Variants in DLGAP2 observed in about 807,000 individuals in gnomAD.
DLGAP2 encodes disks large-associated protein 2.
DLGAP2 carries 26 observed loss-of-function variants against 100.3 expected under a neutral mutation model. The ratio of observed to expected loss-of-function variants is 0.26; its 90% CI spans 0.19 to 0.36. The LOEUF (loss-of-function observed/expected upper bound fraction) is 0.36. DLGAP2 is among the 10% of genes least tolerant of loss of function. The probability of loss-of-function intolerance (pLI) is 1.00; values close to 1 mark genes in which losing one functional copy is unlikely to be tolerated. For missense variants in DLGAP2, 1,858 were observed against 1,453.2 expected (o/e 1.28, Z -4.53); for synonymous variants, 886 against 630.1 (o/e 1.41, Z -6.08).
In DLGAP2 at chr8:1,079,416, T is replaced by C. The variant is rs139905950; in HGVS notation, c.73+171450T>C. Among the ~76,000 whole-genome samples, 910 of 152,350 alleles carry C rather than the reference T, an allele frequency of 6.0e-3. 12 individuals are homozygous for C. Among genetic ancestry groups the C allele is most frequent in the African/African-American group, 0.02 (817 of 41,584 alleles). On this transcript the variant is annotated intron_variant, in intron 2 of 14. Coordinates refer to ENST00000637795, the MANE Select transcript of DLGAP2 (RefSeq NM_001346810.2). ...ATTAGTGCCTTAAGTTCTTCTGCAT[T>C]ATTTTGTTTAAACTATTTTTCAAAA...
chr8:1,431,698 C>A lies in DLGAP2; in HGVS notation c.107-69668C>A, dbSNP rs563317395. On this transcript the variant is annotated intron_variant, in intron 3 of 14. Coordinates refer to ENST00000637795, the MANE Select transcript of DLGAP2 (RefSeq NM_001346810.2). ...TTTCAGTCCGACTGCGGAGTGGAGG[C>A]ACTGGCTCCCGGGCTTACTCTCCTG... Among the ~76,000 whole-genome samples the A allele has an allele frequency of 2.4e-4, 36 of 152,346 alleles. 1 individual carries two copies. In the South Asian group the frequency reaches 7.0e-3, roughly 30 times the overall value.
chr8:1,054,817 A>C (rs538791829), intron 2 of DLGAP2, among the ~76,000 whole-genome samples: 1 of 152,352 alleles, frequency 6.6e-6, no homozygotes, highest in East Asian at 1.9e-4. Flanking sequence ...ACTCTCAATC[A>C]AATTGTAAGG....
chr8:1,358,155 T>C (rs1801899150), intron 3 of DLGAP2, among the ~76,000 whole-genome samples: 1 of 152,180 alleles, frequency 6.6e-6, no homozygotes, highest in Non-Finnish European at 1.5e-5. Flanking sequence ...GTGCATCCTT[T>C]TCTGAAGTAG....
At chr8:1,261,627 C>T (rs1399162351) in intron 3 of DLGAP2, among the ~76,000 whole-genome samples, 3 of 152,196 alleles carry the variant, frequency 2.0e-5, no homozygotes, top group Admixed American at 1.3e-4. Flanking sequence ...CACTGGGCTG[C>T]GGTTCTCTGA....
At chr8:1,334,848 G>A (rs1302752673) in intron 3 of DLGAP2, among the ~76,000 whole-genome samples, 2 of 151,974 alleles carry the variant, frequency 1.3e-5, no homozygotes, top group African/African-American at 4.8e-5. Context: ...CACTAACACG[G>A]CTGTCTTGCC....
Position 909,419 on chromosome 8 carries a change from C to T in DLGAP2, c.73+1453C>T, listed in dbSNP as rs554692279. Among the ~76,000 whole-genome samples, 35 of 150,980 alleles carry T rather than the reference C, an allele frequency of 2.3e-4. No homozygotes were observed. The South Asian group carries it at 3.1e-3, about 14-fold the overall frequency. ...AAGTTAAAAGCTAACTACTGTACTGCGGACATCACAGTGGGTATTAAGTAT... is the reference window on the plus strand; with the variant it reads ...AAGTTAAAAGCTAACTACTGTACTGTGGACATCACAGTGGGTATTAAGTAT... On this transcript the variant is annotated intron_variant, in intron 2 of 14. Coordinates refer to ENST00000637795, the MANE Select transcript of DLGAP2 (RefSeq NM_001346810.2).
chr8:759,257 G>GTCAATACCCCCGACAGCCTTCCCATTA (rs1821011697), intron 1 of DLGAP2, among the ~76,000 whole-genome samples: 1 of 69,826 alleles, frequency 1.4e-5, no homozygotes, highest in Non-Finnish European at 2.9e-5. Context: ...CCTCCCTGTT[G>GTCAATACCCCCGACAGCCTTCCCATTA]TCAATACCCC....
At chr8:910,480 G>A (rs1373023529) in intron 2 of DLGAP2, 1 of 152,216 alleles carries the variant, frequency 6.6e-6, no homozygotes, top group African/African-American at 2.4e-5. Flanking sequence ...TTTGTTGGTG[G>A]AGGAGAATGC....
intron 1 of DLGAP2, among the ~76,000 whole-genome samples, chr8:749,250 C>G (rs977395893): frequency 4.6e-5 from 7 of 152,220 alleles, no homozygotes; most frequent in Non-Finnish European, 2.9e-5. Context: ...CTCGGCCTCC[C>G]AAAGTGCTGT....
chr8:1,506,194 TCA>T (rs1799906761), intron 4 of DLGAP2, among the ~76,000 whole-genome samples: 1 of 152,234 alleles, frequency 6.6e-6, no homozygotes, highest in African/African-American at 2.4e-5. Flanking sequence ...ATATCTTGTC[TCA>T]CAGGAATTCC....
At position 1,307,525 on chromosome 8, in the gene DLGAP2, C is replaced by G. The variant is rs1422033129; in HGVS notation, c.106+48642C>G. Among the ~76,000 whole-genome samples the G allele has an allele frequency of 2.0e-5, 3 of 152,232 alleles. No homozygotes were observed. The East Asian group carries it at 5.8e-4, about 29-fold the overall frequency. ...CAGAAATTTCACTTCTGGCCATACA[C>G]CCAAAAGAAGTGGAAGCAGGGCTCA... On this transcript the variant is annotated intron_variant, in intron 3 of 14. Transcript: ENST00000637795.
chr8:1,332,341 TTGTG>T (rs372152600), intron 3 of DLGAP2, among the ~76,000 whole-genome samples: 1 of 151,996 alleles, frequency 6.6e-6, no homozygotes, highest in Non-Finnish European at 1.5e-5. Flanking sequence ...TATGCATGTA[TTGTG>T]TGTGTGTATA....
chr8:853,101 T>C (rs1173437964), intron 1 of DLGAP2, among the ~76,000 whole-genome samples: 3 of 152,202 alleles, frequency 2.0e-5, no homozygotes, highest in Non-Finnish European at 1.5e-5. Flanking sequence ...AGTCTAACAT[T>C]GCACTTAGGT....
intron 6 of DLGAP2, among the ~76,000 whole-genome samples, chr8:1,582,465 G>C (rs1803321423): frequency 6.8e-6 from 1 of 148,138 alleles, no homozygotes; most frequent in Non-Finnish European, 1.5e-5. Context: ...CAGAATTCTA[G>C]AATGAGAGAA....
chr8:1,427,612 A>T (rs1258473088), intron 3 of DLGAP2, among the ~76,000 whole-genome samples: 1 of 152,148 alleles, frequency 6.6e-6, no homozygotes, highest in East Asian at 1.9e-4. Flanking sequence ...GAGGTGATTG[A>T]ATTTTGGGGG....
intron 2 of DLGAP2, among the ~76,000 whole-genome samples, chr8:1,086,033 A>G (rs1803963080): frequency 6.6e-6 from 1 of 152,014 alleles, no homozygotes; most frequent in Non-Finnish European, 1.5e-5. Context: ...GCCATTGTTA[A>G]TGGGATTGTT....
At chr8:1,237,231 C>T (rs1446063970) in intron 2 of DLGAP2, among the ~76,000 whole-genome samples, 10 of 137,282 alleles carry the variant, frequency 7.3e-5, no homozygotes, top group South Asian at 2.3e-4. Flanking sequence ...TCTCACATGG[C>T]GCCGTGTCTA....
At chr8:1,140,370 G>A (rs542174439) in intron 2 of DLGAP2, among the ~76,000 whole-genome samples, 3 of 124,744 alleles carry the variant, frequency 2.4e-5, no homozygotes, top group East Asian at 3.4e-4. Flanking sequence ...CACCTGCTCC[G>A]TCCTCTTTGC....
At chr8:1,291,731 G>T (rs1800064058) in intron 3 of DLGAP2, among the ~76,000 whole-genome samples, 1 of 152,084 alleles carries the variant, frequency 6.6e-6, no homozygotes, top group African/African-American at 2.4e-5. Context: ...GGGTGTTCCA[G>T]TGTGCTTTGG....
Sources: gnomAD v4.1 joint callset for allele counts (sites outside exome capture counted in the v4.1 genomes callset) on GRCh38, gnomAD v4.1.1 for gene constraint, MANE v1.5 for transcripts, NCBI Gene and HGNC (gene_info 2026-07-23, HGNC 2026-07-21) for gene names.